The following SPATA6 variants were observed in gnomAD, a reference collection of about 807,000 sequenced individuals.
The protein encoded by SPATA6 is spermatogenesis-associated protein 6.
In SPATA6, 56 loss-of-function variants were observed where a neutral mutation model predicts 65.3. The ratio of observed to expected loss-of-function variants is 0.86; its 90% CI spans 0.69 to 1.07. The LOEUF is 1.07. SPATA6 is among the 50% of genes least tolerant of loss of function. The pLI is 0.00. For missense variants in SPATA6, 590 were observed against 594.8 expected, an observed-to-expected ratio of 0.99 and a Z score of 0.08; for synonymous variants, 199 against 213.2, an observed-to-expected ratio of 0.93 and a Z score of 0.58.
chr1:48,420,023 A>C (rs970063967), intron 3 of SPATA6, among the ~76,000 whole-genome samples: 1 of 152,128 alleles, frequency 6.6e-6, no homozygotes, highest in African/African-American at 2.4e-5. Context: ...TGGTCACTGG[A>C]AAGACAAGAG....
intron 11 of SPATA6, among the ~76,000 whole-genome samples, chr1:48,312,002 G>C (rs994363163): frequency 1.3e-5 from 2 of 152,178 alleles, no homozygotes; most frequent in Admixed American, 6.5e-5. Flanking sequence ...AAACTGCAAG[G>C]TGGCAGCGAG....
At chr1:48,432,566 A>G (rs1330147439) in intron 3 of SPATA6, among the ~76,000 whole-genome samples, 1 of 152,230 alleles carries the variant, frequency 6.6e-6, no homozygotes, top group African/African-American at 2.4e-5. Context: ...GAAAATGCAA[A>G]TTACAACTAA....
intron 7 of SPATA6, among the ~76,000 whole-genome samples, chr1:48,397,079 CTG>C (rs1174430895): frequency 2.0e-5 from 3 of 151,572 alleles, no homozygotes; most frequent in African/African-American, 7.3e-5. Context: ...CTCAAAAACA[CTG>C]TGCTAAGTGA....
At chr1:48,397,098 C>A (rs1192331948) in intron 7 of SPATA6, among the ~76,000 whole-genome samples, 2 of 151,316 alleles carry the variant, frequency 1.3e-5, no homozygotes, top group Non-Finnish European at 3.0e-5. Context: ...GTGAAAAAAG[C>A]CAGACACAAA....
chr1:48,266,010 C>T, the SPATA6 span, among the ~76,000 whole-genome samples: 3 of 152,164 alleles, frequency 2.0e-5, no homozygotes, highest in Non-Finnish European at 4.4e-5. Context: ...AAATCCCATG[C>T]ACTCTTCATT....
chr1:48,352,565 G>C (rs1646540763), intron 11 of SPATA6, among the ~76,000 whole-genome samples: 1 of 151,846 alleles, frequency 6.6e-6, no homozygotes, highest in African/African-American at 2.4e-5. Context: ...TATGAATATA[G>C]GCATAAGATA....
chr1:48,380,870 C>T (rs1298510184), intron 9 of SPATA6, among the ~76,000 whole-genome samples: 1 of 152,168 alleles, frequency 6.6e-6, no homozygotes, highest in Non-Finnish European at 1.5e-5. Context: ...TATATATAAA[C>T]ACTATACAGC....
At chr1:48,364,063 G>A (rs889685009) in intron 9 of SPATA6, among the ~76,000 whole-genome samples, 1 of 150,628 alleles carries the variant, frequency 6.6e-6, no homozygotes, top group Non-Finnish European at 1.5e-5. Flanking sequence ...TTGGTTTTTT[G>A]TCCTTGCGAT....
At chr1:48,352,800 T>C (rs1286932192) in intron 11 of SPATA6, among the ~76,000 whole-genome samples, 4 of 150,602 alleles carry the variant, frequency 2.7e-5, no homozygotes, top group Non-Finnish European at 5.9e-5. Context: ...AAATCTTACA[T>C]GCAACAGAAG....
chr1:48,265,107 G>A, the SPATA6 span, among the ~76,000 whole-genome samples: 24 of 152,200 alleles, frequency 1.6e-4, no homozygotes, highest in African/African-American at 5.8e-4. Flanking sequence ...ATTTGTTAAG[G>A]AAGTGGTTGC....
intron 11 of SPATA6, among the ~76,000 whole-genome samples, chr1:48,309,058 G>T (rs543194202): frequency 1.3e-5 from 2 of 152,096 alleles, no homozygotes; most frequent in South Asian, 4.2e-4. Context: ...GCTTATCTTT[G>T]GCTTCAGACT....
At chr1:48,322,296 C>G (rs1174368837) in intron 11 of SPATA6, among the ~76,000 whole-genome samples, 1 of 152,108 alleles carries the variant, frequency 6.6e-6, no homozygotes, top group Non-Finnish European at 1.5e-5. Context: ...TTTGACAAAT[C>G]TGACAAAAAC....
At chr1:48,330,182 G>A (rs964301057) in intron 11 of SPATA6, among the ~76,000 whole-genome samples, 1 of 152,150 alleles carries the variant, frequency 6.6e-6, no homozygotes, top group Non-Finnish European at 1.5e-5. Context: ...CTGGTAGCCA[G>A]CTGGACAATG....
intron 3 of SPATA6, among the ~76,000 whole-genome samples, chr1:48,450,197 T>C (rs2148147438): frequency 6.6e-6 from 1 of 151,962 alleles, no homozygotes; most frequent in East Asian, 1.9e-4. Context: ...GAGTATTATA[T>C]AAGGAGAGAC....
At chr1:48,399,087 T>G (rs1650885966) in intron 7 of SPATA6, 1 of 363,438 alleles carries the variant, frequency 2.8e-6, no homozygotes, top group Admixed American at 4.2e-5. Flanking sequence ...TATTATGCTA[T>G]CTATTGTATA....
At chr1:48,278,087 T>G in the SPATA6 span, among the ~76,000 whole-genome samples, 1 of 152,152 alleles carries the variant, frequency 6.6e-6, no homozygotes, top group African/African-American at 2.4e-5. Flanking sequence ...GGAGTGGACC[T>G]CTAGCAAACT....
chr1:48,313,264 G>T (rs543124898), intron 11 of SPATA6, among the ~76,000 whole-genome samples: 2 of 152,290 alleles, frequency 1.3e-5, no homozygotes, highest in East Asian at 3.9e-4. Context: ...AAGTTTAAAT[G>T]AAGGCAAAAA....
intron 3 of SPATA6, among the ~76,000 whole-genome samples, chr1:48,417,738 C>T (rs566939847): frequency 1.3e-5 from 2 of 152,090 alleles, no homozygotes; most frequent in African/African-American, 2.4e-5. Flanking sequence ...GCAGGAGAAT[C>T]GCTTGAACCT....
chr1:48,438,020 G>A (rs1291398285), intron 3 of SPATA6, among the ~76,000 whole-genome samples: 1 of 151,964 alleles, frequency 6.6e-6, no homozygotes, highest in Non-Finnish European at 1.5e-5. Flanking sequence ...AGAAGGATGT[G>A]GGCGGGGACA....
Sources: gnomAD v4.1 joint callset for allele counts (sites outside exome capture counted in the v4.1 genomes callset) on GRCh38, gnomAD v4.1.1 for gene constraint, MANE v1.5 for transcripts, NCBI Gene and HGNC (gene_info 2026-07-23, HGNC 2026-07-21) for gene names.